PBX3: variants seen among roughly 807,000 people sequenced by gnomAD.
PBX3 encodes the protein pre-B-cell leukemia transcription factor 3.
PBX3 carries 14 observed loss-of-function variants against 48.5 expected under a neutral mutation model. The ratio of observed to expected loss-of-function variants is 0.29; its 90% confidence interval spans 0.19 to 0.45. The LOEUF (loss-of-function observed/expected upper bound fraction) is 0.45. Among genes scored for constraint, PBX3 ranks in the 20% least tolerant of loss-of-function variants. The pLI is 1.00. For missense variants in PBX3, 386 were observed against 546.7 expected (o/e 0.71, Z 2.93); for synonymous variants, 210 against 200.3 (o/e 1.05, Z -0.41).
chr9:125,833,734 C>G (rs1164415226), intron 2 of PBX3, among the ~76,000 whole-genome samples: 1 of 152,084 alleles, frequency 6.6e-6, no homozygotes, highest in Non-Finnish European at 1.5e-5. Flanking sequence ...AGGAGGCTTG[C>G]AGAGTACTTG....
At chr9:125,797,557 G>C (rs1472077990) in intron 2 of PBX3, 1 of 152,144 alleles carries the variant, frequency 6.6e-6, no homozygotes, top group East Asian at 1.9e-4. Context: ...AAATTTTATT[G>C]TGTGTGTTTA....
intron 2 of PBX3, among the ~76,000 whole-genome samples, chr9:125,851,701 G>A (rs139279854): frequency 7.5e-4 from 114 of 152,060 alleles, no homozygotes; most frequent in South Asian, 2.7e-3. Flanking sequence ...ACTAAGTAAT[G>A]TTTTGTCTGC....
chr9:125,758,827 TA>T (rs57746660), intron 2 of PBX3, among the ~76,000 whole-genome samples: 8 of 152,020 alleles, frequency 5.3e-5, no homozygotes, highest in African/African-American at 1.9e-4. Context: ...TGCATTTCTT[TA>T]AAAAAAATTC....
intron 2 of PBX3, among the ~76,000 whole-genome samples, chr9:125,897,935 G>A (rs781003569): frequency 1.3e-5 from 2 of 151,688 alleles, no homozygotes; most frequent in African/African-American, 2.4e-5. Context: ...ATACTAATGC[G>A]ACTTACTTTA....
At chr9:125,965,464 A>G (rs1295865398) in intron 8 of PBX3, among the ~76,000 whole-genome samples, 1 of 152,216 alleles carries the variant, frequency 6.6e-6, no homozygotes, top group East Asian at 1.9e-4. Flanking sequence ...TTTAGACTTC[A>G]TGGAGCCCTG....
intron 2 of PBX3, among the ~76,000 whole-genome samples, chr9:125,841,651 T>C (rs745542478): frequency 3.9e-5 from 6 of 152,308 alleles, no homozygotes; most frequent in Admixed American, 2.6e-4. Context: ...TGACTTGTTT[T>C]GGTCTTGAGC....
chr9:125,790,514 A>G (rs1162926381), intron 2 of PBX3, among the ~76,000 whole-genome samples: 5 of 152,036 alleles, frequency 3.3e-5, no homozygotes, highest in Admixed American at 2.6e-4. Flanking sequence ...TCAGCCTCTC[A>G]AAGTGCTGGG....
intron 5 of PBX3, among the ~76,000 whole-genome samples, chr9:125,946,720 A>T (rs1037609568): frequency 6.6e-6 from 1 of 152,168 alleles, no homozygotes; most frequent in Non-Finnish European, 1.5e-5. Flanking sequence ...AATAGGAGAC[A>T]TAGAGGATAC....
At chr9:125,828,483 A>T (rs1371507068) in intron 2 of PBX3, among the ~76,000 whole-genome samples, 1 of 152,172 alleles carries the variant, frequency 6.6e-6, no homozygotes, top group Admixed American at 6.5e-5. Context: ...CTGTATTCTA[A>T]GCCAATTAGA....
chr9:125,748,595 C>G lies in PBX3; in HGVS notation c.246C>G (p.Ser82Arg), dbSNP rs1475956028. 6.2e-7 allele frequency: 1 copy of G among 1,613,730 alleles called. No individual in the cohort carries two copies. The highest frequency in any genetic ancestry group is 1.1e-5 in the South Asian group (1 of 91,082). The part of the protein sequence containing the change: ...NCHRMKPALF[S>R]VLCEIKEKTG... ...ACAGAATGAAACCAGCGCTCTTCAG[C>G]GTCCTGTGTGAGATCAAAGAGAAAA... Residue 82 changes from serine (S) to arginine (R), a missense_variant, in exon 2 of 9, where the codon AGC (serine) becomes AGG (arginine). Ser to Arg is a moderately radical substitution (Grantham distance 110, BLOSUM62 -1). Around this residue, in one of 4 missense-constraint regions of PBX3, gnomAD observed 69 missense variants for 99.1 expected, o/e 0.70. Transcript: ENST00000373489.
chr9:125,837,690 A>G (rs1296699573), intron 2 of PBX3, among the ~76,000 whole-genome samples: 2 of 151,908 alleles, frequency 1.3e-5, no homozygotes, highest in African/African-American at 4.8e-5. Flanking sequence ...CCCTGGGTTC[A>G]TGCCATTCTT....
intron 2 of PBX3, among the ~76,000 whole-genome samples, chr9:125,831,426 T>TG (rs1213573756): frequency 6.9e-6 from 1 of 144,798 alleles, no homozygotes; most frequent in Admixed American, 6.6e-5. Flanking sequence ...TTAGCCAGAA[T>TG]GTTTTTTTTT....
At chr9:125,758,056 A>G (rs1836568547) in intron 2 of PBX3, among the ~76,000 whole-genome samples, 2 of 152,212 alleles carry the variant, frequency 1.3e-5, no homozygotes, top group South Asian at 4.1e-4. Flanking sequence ...GATACTGAGG[A>G]TGTCCTTAGG....
At chr9:125,936,259 G>A (rs755436508) in intron 5 of PBX3, among the ~76,000 whole-genome samples, 2 of 152,058 alleles carry the variant, frequency 1.3e-5, no homozygotes, top group Non-Finnish European at 2.9e-5. Flanking sequence ...TTTGGACTGA[G>A]GATTGGAAAC....
At chr9:125,959,847 G>A (rs1474521845) in intron 5 of PBX3, among the ~76,000 whole-genome samples, 1 of 152,134 alleles carries the variant, frequency 6.6e-6, no homozygotes, top group Non-Finnish European at 1.5e-5. Context: ...ATTGCCATGT[G>A]GCTTTTAGCT....
intron 2 of PBX3, among the ~76,000 whole-genome samples, chr9:125,827,314 A>G (rs1342545124): frequency 6.6e-6 from 1 of 152,182 alleles, no homozygotes; most frequent in Non-Finnish European, 1.5e-5. Flanking sequence ...AGTTTAATAA[A>G]TGTTAACATT....
intron 2 of PBX3, among the ~76,000 whole-genome samples, chr9:125,853,727 C>A (rs1315507375): frequency 2.0e-5 from 3 of 152,136 alleles, no homozygotes; most frequent in Non-Finnish European, 4.4e-5. Context: ...AAGATTGCAA[C>A]TATTTGAGTT....
At chr9:125,793,362 A>ATATAT (rs1554855726) in intron 2 of PBX3, among the ~76,000 whole-genome samples, 1 of 65,652 alleles carries the variant, frequency 1.5e-5, no homozygotes, top group African/African-American at 5.7e-5. Flanking sequence ...GGGGGGAAAA[A>ATATAT]AAAAATATAT....
intron 5 of PBX3, among the ~76,000 whole-genome samples, chr9:125,938,472 A>T (rs112429160): frequency 1.6e-3 from 247 of 151,740 alleles, no homozygotes; most frequent in African/African-American, 5.2e-3. Flanking sequence ...CAAGAGATTT[A>T]AAAAAAAAGT....
Sources: gnomAD v4.1 joint callset for allele counts (sites outside exome capture counted in the v4.1 genomes callset) on GRCh38, gnomAD v4.1.1 for gene constraint, gnomAD v4.1.1 regional missense constraint, MANE v1.5 for transcripts, NCBI Gene and HGNC (gene_info 2026-07-23, HGNC 2026-07-21) for gene names.